MYT1L: variants seen among roughly 807,000 people sequenced by gnomAD.
MYT1L encodes myelin transcription factor 1 like.
In MYT1L, 12 loss-of-function variants were observed where a neutral mutation model predicts 126.7. The ratio of observed to expected loss-of-function variants is 0.09; its 90% CI spans 0.06 to 0.15. The LOEUF is 0.15. Ranked by LOEUF, MYT1L falls within the 10% of genes least tolerant of loss-of-function variation. The probability of loss-of-function intolerance (pLI) is 1.00; values close to 1 mark genes in which losing one functional copy is unlikely to be tolerated. For synonymous variants in MYT1L, 541 were observed against 604.2 expected, an observed-to-expected ratio of 0.90 and a Z score of 1.53; for missense variants, 979 against 1,585.2, an observed-to-expected ratio of 0.62 and a Z score of 6.49.
intron 1 of MYT1L, among the ~76,000 whole-genome samples, chr2:2,297,927 C>T (rs574555118): frequency 2.0e-5 from 3 of 152,328 alleles, no homozygotes; most frequent in African/African-American, 7.2e-5. Context: ...GCTTCATTCT[C>T]TGCGTCCACG....
rs574566919 is a variant in MYT1L, at chr2:2,299,319, C to A, written c.-520-14816G>T. On this transcript the variant is annotated intron_variant, in intron 1 of 24. Coordinates refer to ENST00000647738, the MANE Select transcript of MYT1L (RefSeq NM_001303052.2). The stretch of plus-strand genomic sequence containing the variant: ...CCTGTGCCATGATCTCCTCCTGGTG[C>A]CTAGCGGCCCATGTGAGCCGCCAGC... Among the ~76,000 whole-genome samples the A allele has an allele frequency of 2.8e-4, 43 of 152,334 alleles. 1 individual carries two copies. In the South Asian group the frequency reaches 8.5e-3, roughly 30 times the overall value.
intron 4 of MYT1L, among the ~76,000 whole-genome samples, chr2:2,039,478 T>G (rs1040758311): frequency 7.9e-5 from 12 of 152,148 alleles, no homozygotes; most frequent in African/African-American, 2.9e-4. Flanking sequence ...AATTAGTAAA[T>G]TAGTCAGAAC....
chr2:2,117,121 C>T (rs373519484), intron 3 of MYT1L, among the ~76,000 whole-genome samples: 31 of 152,290 alleles, frequency 2.0e-4, no homozygotes, highest in African/African-American at 7.5e-4. Flanking sequence ...TCCCTCTGCC[C>T]CTGCCTTCAG....
chr2:1,875,199 G>C (rs569700555), intron 18 of MYT1L, among the ~76,000 whole-genome samples: 1 of 152,278 alleles, frequency 6.6e-6, no homozygotes, highest in Admixed American at 6.5e-5. Context: ...TAGAGCTGCC[G>C]GGGTGAGTGC....
intron 4 of MYT1L, among the ~76,000 whole-genome samples, chr2:2,041,829 A>G (rs1239713309): frequency 1.3e-5 from 2 of 152,172 alleles, no homozygotes; most frequent in East Asian, 3.8e-4. Flanking sequence ...TCCTACTTTA[A>G]CCATCATATA....
In MYT1L at chr2:2,172,893, T is replaced by C. The variant is rs1037574168; in HGVS notation, c.-325A>G. On this transcript the variant is annotated 5_prime_UTR_variant, in exon 3 of 25. Transcript: ENST00000647738. Reference sequence around the variant, plus strand: ...GTACCTGCACTGTTGCCGCGCCGGGTGGGTGATCTCAGGACCTGATATTCT... The same window carrying C: ...GTACCTGCACTGTTGCCGCGCCGGGCGGGTGATCTCAGGACCTGATATTCT... The C allele has an allele frequency of 3.9e-5, 6 of 152,354 alleles. No individual in the cohort carries two copies. The highest frequency in any genetic ancestry group is 1.3e-4 in the Admixed American group (2 of 15,286). The allele number at this position is 152,354 out of a possible 1,614,324, so 9.4% of individuals were successfully genotyped here.
chr2:2,296,546 C>A (rs2095696802), intron 1 of MYT1L, among the ~76,000 whole-genome samples: 1 of 151,998 alleles, frequency 6.6e-6, no homozygotes, highest in South Asian at 2.1e-4. Context: ...AGCAGTGGAG[C>A]AGATGTTTTG....
intron 8 of MYT1L, among the ~76,000 whole-genome samples, chr2:1,970,775 A>T (rs1350495476): frequency 6.6e-6 from 1 of 152,166 alleles, no homozygotes; most frequent in East Asian, 1.9e-4. Context: ...CAGTGGGTAA[A>T]CCTCAGACAA....
At chr2:2,089,747 C>T (rs1474897477) in intron 3 of MYT1L, among the ~76,000 whole-genome samples, 4 of 152,134 alleles carry the variant, frequency 2.6e-5, no homozygotes, top group Non-Finnish European at 4.4e-5. Flanking sequence ...GTCTCTGTCG[C>T]TGTCTCTGAC....
intron 3 of MYT1L, among the ~76,000 whole-genome samples, chr2:2,165,971 A>AAAAATAAAATCTTCT (rs1422565174): frequency 6.6e-6 from 1 of 151,510 alleles, no homozygotes; most frequent in African/African-American, 2.4e-5. Flanking sequence ...TACTTTGTAA[A>AAAAATAAAATCTTCT]GTTTTAAAGT....
At chr2:2,316,466 G>A (rs1169814972) in intron 1 of MYT1L, among the ~76,000 whole-genome samples, 2 of 152,170 alleles carry the variant, frequency 1.3e-5, no homozygotes, top group Non-Finnish European at 2.9e-5. Flanking sequence ...AGAAAGGTAA[G>A]ACATAAAGCC....
intron 2 of MYT1L, among the ~76,000 whole-genome samples, chr2:2,266,092 G>T (rs766634381): frequency 2.0e-5 from 3 of 152,178 alleles, no homozygotes; most frequent in Non-Finnish European, 4.4e-5. Context: ...GACATTCTGG[G>T]AGTTTCACAA....
At chr2:2,321,638 C>T (rs2096168900) in intron 1 of MYT1L, among the ~76,000 whole-genome samples, 1 of 152,070 alleles carries the variant, frequency 6.6e-6, no homozygotes, top group African/African-American at 2.4e-5. Context: ...GAGATAACGG[C>T]ATGAAGGCAC....
At chr2:2,070,454 G>A (rs1338021369) in intron 3 of MYT1L, among the ~76,000 whole-genome samples, 1 of 152,192 alleles carries the variant, frequency 6.6e-6, no homozygotes, top group Non-Finnish European at 1.5e-5. Flanking sequence ...AGTGCCCAAA[G>A]CAATGACAGG....
At chr2:2,103,429 G>C (rs1046065456) in intron 3 of MYT1L, among the ~76,000 whole-genome samples, 1 of 152,190 alleles carries the variant, frequency 6.6e-6, no homozygotes, top group Non-Finnish European at 1.5e-5. Context: ...TCTAAATACA[G>C]AATCAGCCCC....
chr2:1,836,113 C>CT (rs1286145573), intron 21 of MYT1L, among the ~76,000 whole-genome samples: 1 of 152,082 alleles, frequency 6.6e-6, no homozygotes, highest in East Asian at 1.9e-4. Flanking sequence ...AGGCATACAG[C>CT]TTTCCAGAGA....
At chr2:1,999,827 T>G (rs993880022) in intron 4 of MYT1L, among the ~76,000 whole-genome samples, 5 of 152,212 alleles carry the variant, frequency 3.3e-5, no homozygotes, top group African/African-American at 1.2e-4. Flanking sequence ...AACATACATA[T>G]GACTAGCTCA....
At position 1,859,475 on chromosome 2, in the gene MYT1L, A is replaced by T. The variant is rs568815186; in HGVS notation, c.2712-7772T>A. ...TTGCTCAGAACGTGCAAGGGTCATCATGCAAATGAAACACCAAAGTTCTGG... is the reference window on the plus strand; with the variant it reads ...TTGCTCAGAACGTGCAAGGGTCATCTTGCAAATGAAACACCAAAGTTCTGG... On this transcript the variant is annotated intron_variant, in intron 18 of 24. Transcript: ENST00000647738. Among the ~76,000 whole-genome samples the T allele has an allele frequency of 1.1e-4, 17 of 152,348 alleles. 1 individual carries two copies. The highest frequency in any genetic ancestry group is 3.4e-3 in the Middle Eastern group (1 of 294).
At chr2:2,246,742 C>A (rs1032757827) in intron 2 of MYT1L, among the ~76,000 whole-genome samples, 2 of 152,116 alleles carry the variant, frequency 1.3e-5, no homozygotes, top group Admixed American at 1.3e-4. Flanking sequence ...AAATTGTAAA[C>A]CTTGATTTAC....
Sources: gnomAD v4.1 joint callset for allele counts (sites outside exome capture counted in the v4.1 genomes callset) on GRCh38, gnomAD v4.1.1 for gene constraint, MANE v1.5 for transcripts, NCBI Gene and HGNC (gene_info 2026-07-23, HGNC 2026-07-21) for gene names.